The following GALNT17 variants were observed in gnomAD, a reference collection of about 807,000 sequenced individuals.
The protein encoded by GALNT17 is polypeptide N-acetylgalactosaminyltransferase 17.
GALNT17 carries 29 observed loss-of-function variants against 63.7 expected under a neutral mutation model. The ratio of observed to expected loss-of-function variants is 0.46; its 90% confidence interval spans 0.34 to 0.62. GALNT17 has a LOEUF of 0.62. Ranked by LOEUF, GALNT17 falls within the 20% of genes least tolerant of loss-of-function variation. GALNT17 has a pLI of 0.01. For missense variants in GALNT17, 603 were observed against 799.6 expected (o/e 0.75, Z 2.97); for synonymous variants, 305 against 318.3 (o/e 0.96, Z 0.45).
intron 1 of GALNT17, among the ~76,000 whole-genome samples, chr7:71,196,513 G>A (rs1021075877): frequency 9.9e-5 from 15 of 152,118 alleles, no homozygotes; most frequent in African/African-American, 3.6e-4. Flanking sequence ...TGAGTCCTAT[G>A]TCTCCTCCTA....
chr7:71,569,644 G>A (rs190909142), intron 5 of GALNT17, among the ~76,000 whole-genome samples: 97 of 152,246 alleles, frequency 6.4e-4, no homozygotes, highest in Non-Finnish European at 1.1e-3. Flanking sequence ...ACTGAACTCT[G>A]GGGAACAACT....
intron 5 of GALNT17, among the ~76,000 whole-genome samples, chr7:71,557,158 C>T (rs940093993): frequency 1.3e-5 from 2 of 151,680 alleles, no homozygotes; most frequent in Non-Finnish European, 2.9e-5. Context: ...TCCCAAAGCT[C>T]TAGGATTACA....
At chr7:71,611,990 G>A (rs936924863) in intron 6 of GALNT17, among the ~76,000 whole-genome samples, 2 of 152,244 alleles carry the variant, frequency 1.3e-5, no homozygotes. Flanking sequence ...CACAATTTGG[G>A]TGCAAGTTGG....
intron 9 of GALNT17, among the ~76,000 whole-genome samples, chr7:71,710,375 G>A (rs1164553217): frequency 2.6e-5 from 4 of 152,174 alleles, no homozygotes; most frequent in African/African-American, 7.2e-5. Context: ...GTGTGTGGTG[G>A]TGCGCGCCTG....
At chr7:71,244,090 C>A (rs1201539554) in intron 1 of GALNT17, among the ~76,000 whole-genome samples, 1 of 152,182 alleles carries the variant, frequency 6.6e-6, no homozygotes, top group Admixed American at 6.5e-5. Flanking sequence ...AGCAGTTTAG[C>A]AGTTAAGAAG....
At chr7:71,465,474 T>G (rs1375432196) in intron 5 of GALNT17, among the ~76,000 whole-genome samples, 1 of 152,212 alleles carries the variant, frequency 6.6e-6, no homozygotes, top group African/African-American at 2.4e-5. Context: ...TTCAACCTAC[T>G]TAAGCATCAC....
chr7:71,248,509 A>ATC (rs1790141371), intron 1 of GALNT17, among the ~76,000 whole-genome samples: 1 of 152,224 alleles, frequency 6.6e-6, no homozygotes, highest in Admixed American at 6.5e-5. Flanking sequence ...AAACATACAG[A>ATC]TAGGACCTGA....
At chr7:71,444,810 G>A (rs1311580004) in intron 5 of GALNT17, among the ~76,000 whole-genome samples, 1 of 152,152 alleles carries the variant, frequency 6.6e-6, no homozygotes, top group African/African-American at 2.4e-5. Flanking sequence ...CTGGGCCAGC[G>A]AGACTCTGTC....
At chr7:71,524,689 C>T (rs1004700606) in intron 5 of GALNT17, among the ~76,000 whole-genome samples, 3 of 152,160 alleles carry the variant, frequency 2.0e-5, no homozygotes, top group Admixed American at 2.0e-4. Flanking sequence ...TACTGTAGGT[C>T]TCTGATTTTT....
At chr7:71,540,923 C>CA (rs1210699297) in intron 5 of GALNT17, among the ~76,000 whole-genome samples, 2 of 152,044 alleles carry the variant, frequency 1.3e-5, no homozygotes, top group East Asian at 3.9e-4. Context: ...TTCTTTAAGA[C>CA]ACATCGAAGA....
At chr7:71,144,296 C>T (rs1053842180) in intron 1 of GALNT17, among the ~76,000 whole-genome samples, 1 of 152,098 alleles carries the variant, frequency 6.6e-6, no homozygotes, top group African/African-American at 2.4e-5. Flanking sequence ...CCAGCAACCC[C>T]CGAGGGTGGA....
rs563495872 is a variant in GALNT17, at chr7:71,664,987, A to G, written c.1081-424A>G. ...ATTGGCATTATTTATTTATTTATTT[A>G]TTTGTTTAGAAACAAAGTTTTGCCC... On this transcript the variant is annotated intron_variant, in intron 6 of 10. Coordinates refer to ENST00000333538, the MANE Select transcript of GALNT17 (RefSeq NM_022479.3). Among the ~76,000 whole-genome samples, 8 of 152,062 alleles carry G rather than the reference A, an allele frequency of 5.3e-5. No homozygotes were observed. In the South Asian group the frequency reaches 6.2e-4, roughly 12 times the overall value.
intron 6 of GALNT17, among the ~76,000 whole-genome samples, chr7:71,632,500 A>T (rs926131726): frequency 6.6e-6 from 1 of 152,192 alleles, no homozygotes; most frequent in African/African-American, 2.4e-5. Flanking sequence ...TTGGGTGAGT[A>T]GAGTGATATC....
intron 1 of GALNT17, among the ~76,000 whole-genome samples, chr7:71,290,001 C>T (rs987285508): frequency 1.2e-4 from 18 of 152,144 alleles, no homozygotes; most frequent in Admixed American, 3.3e-4. Context: ...GCTGACATAG[C>T]GCCACTGCAC....
At chr7:71,354,672 TTC>T (rs375745075) in intron 2 of GALNT17, among the ~76,000 whole-genome samples, 7 of 151,502 alleles carry the variant, frequency 4.6e-5, no homozygotes, top group East Asian at 1.9e-4. Flanking sequence ...TTGTAATTCA[TTC>T]TCTCTCTCTC....
intron 6 of GALNT17, among the ~76,000 whole-genome samples, chr7:71,637,428 A>T (rs1790543142): frequency 6.6e-6 from 1 of 151,056 alleles, no homozygotes; most frequent in South Asian, 2.1e-4. Flanking sequence ...TGACCTCGTG[A>T]TCCACCTGCC....
chr7:71,278,326 T>C (rs1049850591), intron 1 of GALNT17, among the ~76,000 whole-genome samples: 6 of 152,186 alleles, frequency 3.9e-5, no homozygotes. Flanking sequence ...ATCTCAGATT[T>C]CTAGAGCCTA....
intron 1 of GALNT17, among the ~76,000 whole-genome samples, chr7:71,187,324 G>C (rs897392307): frequency 3.5e-5 from 5 of 141,856 alleles, no homozygotes; most frequent in Non-Finnish European, 7.5e-5. Flanking sequence ...GTATTGCTGT[G>C]TTGCCCAGGC....
chr7:71,135,859 G>C (rs148121068), intron 1 of GALNT17, among the ~76,000 whole-genome samples: 7 of 152,134 alleles, frequency 4.6e-5, no homozygotes, highest in Non-Finnish European at 1.5e-5. Context: ...AACAGTTCCC[G>C]GACTGGTGGA....
Sources: gnomAD v4.1 joint callset for allele counts (sites outside exome capture counted in the v4.1 genomes callset) on GRCh38, gnomAD v4.1.1 for gene constraint, MANE v1.5 for transcripts, NCBI Gene and HGNC (gene_info 2026-07-23, HGNC 2026-07-21) for gene names.